The following CPM variants were observed in gnomAD, a reference collection of about 807,000 sequenced individuals.
CPM encodes the protein carboxypeptidase M, also known as renal carboxypeptidase.
In CPM, 35 loss-of-function variants were observed where a neutral mutation model predicts 46.4. The observed-to-expected ratio is 0.75, with a 90% CI of 0.58 to 1.00. The LOEUF (loss-of-function observed/expected upper bound fraction) is 1.00, where lower values mean the gene tolerates loss of function less well. Among genes scored for constraint, CPM ranks in the 50% least tolerant of loss-of-function variants. The pLI, the probability that CPM is intolerant of heterozygous loss-of-function variation, is 0.00. For synonymous variants in CPM, 195 were observed against 195.3 expected, an observed-to-expected ratio of 1.00 and a Z score of 0.01; for missense variants, 422 against 530.4, an observed-to-expected ratio of 0.80 and a Z score of 2.01.
At chr12:68,860,194 T>G (rs1245499690) in intron 7 of CPM, among the ~76,000 whole-genome samples, 1 of 152,242 alleles carries the variant, frequency 6.6e-6, no homozygotes, top group African/African-American at 2.4e-5. Context: ...AGTTCCTGAC[T>G]CTTCATTTTT....
intron 7 of CPM, among the ~76,000 whole-genome samples, chr12:68,860,438 C>T (rs1204209675): frequency 1.3e-5 from 2 of 151,932 alleles, no homozygotes; most frequent in African/African-American, 4.8e-5. Context: ...GTTTCAGTGG[C>T]ATTATTTTGT....
intron 7 of CPM, among the ~76,000 whole-genome samples, chr12:68,864,589 G>A (rs1294728259): frequency 1.3e-5 from 2 of 152,186 alleles, no homozygotes; most frequent in Non-Finnish European, 2.9e-5. Flanking sequence ...CCTTAATTCA[G>A]TGCTTGGTAA....
intron 1 of CPM, among the ~76,000 whole-genome samples, chr12:68,939,864 T>C (rs1888734224): frequency 6.6e-6 from 1 of 152,208 alleles, no homozygotes; most frequent in African/African-American, 2.4e-5. Context: ...AAAAATGAAA[T>C]CTCATAATTT....
At chr12:68,847,347 T>G (rs1884389663), downstream of CPM, 1 of 149,538 alleles carries the variant, frequency 6.7e-6, no homozygotes, top group African/African-American at 2.5e-5. Context: ...TCTGGTGAAT[T>G]AAGCCTTTTT....
At chr12:68,936,856 A>G (rs1888681958), upstream of CPM, among the ~76,000 whole-genome samples, 1 of 152,254 alleles carries the variant, frequency 6.6e-6, no homozygotes, top group Non-Finnish European at 1.5e-5. Flanking sequence ...AGAAGGAATT[A>G]ATGCTCTTAC....
chr12:68,867,766 T>C (rs1203743497), intron 6 of CPM, among the ~76,000 whole-genome samples: 1 of 152,214 alleles, frequency 6.6e-6, no homozygotes, highest in Non-Finnish European at 1.5e-5. Context: ...CCCGGCCCCC[T>C]GTGGAGCCCA....
intron 1 of CPM, among the ~76,000 whole-genome samples, chr12:68,943,507 A>G (rs1297073081): frequency 6.6e-6 from 1 of 152,216 alleles, no homozygotes; most frequent in African/African-American, 2.4e-5. Context: ...ACATATTTGC[A>G]ATAGTGGAAT....
intron 2 of CPM, among the ~76,000 whole-genome samples, chr12:68,927,029 T>C (rs1888295885): frequency 6.6e-6 from 1 of 152,232 alleles, no homozygotes; most frequent in Non-Finnish European, 1.5e-5. Context: ...AACATACATG[T>C]GCATGTGTCT....
rs527665061 is a variant in CPM at position 68,855,233 on chromosome 12, G to C, written c.*1204C>G. 6.6e-6 allele frequency: 1 copy of C among 152,532 alleles called. No homozygotes were observed. Among genetic ancestry groups the C allele is most frequent in the East Asian group, 1.9e-4 (1 of 5,186 alleles). 9.4% of individuals were successfully genotyped at this position (152,532 alleles called of 1,614,324 possible). ...AGAAAGTATCAAGGATGACTCCCAG[G>C]TTCCTAGCTTGGTGGTCCCAGTAAT... is the stretch of plus-strand genomic sequence containing the variant. On this transcript the variant is annotated 3_prime_UTR_variant, in exon 9 of 9. Transcript: ENST00000551568.
chr12:68,868,674 A>G (rs1238901325), intron 6 of CPM, among the ~76,000 whole-genome samples: 2 of 152,090 alleles, frequency 1.3e-5, no homozygotes, highest in East Asian at 1.9e-4. Flanking sequence ...TCTTATTCCA[A>G]GATTGGAGAA....
intron 7 of CPM, among the ~76,000 whole-genome samples, chr12:68,860,542 G>T (rs1183900467): frequency 6.6e-6 from 1 of 151,966 alleles, no homozygotes; most frequent in African/African-American, 2.4e-5. Context: ...CAATCCACCT[G>T]CCTAAGCTTC....
At chr12:68,924,305 G>A (rs940665192) in intron 2 of CPM, among the ~76,000 whole-genome samples, 1 of 152,018 alleles carries the variant, frequency 6.6e-6, no homozygotes. Context: ...GACCAGCCTG[G>A]CCAACATGGT....
At chr12:68,879,597 TCAAGCAATCTC>T (rs1239628435) in intron 3 of CPM, among the ~76,000 whole-genome samples, 1 of 152,128 alleles carries the variant, frequency 6.6e-6, no homozygotes, top group African/African-American at 2.4e-5. Flanking sequence ...ACTCCTGGCC[TCAAGCAATCTC>T]CCCAGCTTGA....
chr12:68,865,435 G>A (rs949614487), intron 7 of CPM, among the ~76,000 whole-genome samples: 2 of 152,162 alleles, frequency 1.3e-5, no homozygotes, highest in African/African-American at 4.8e-5. Flanking sequence ...AGGGATGTGT[G>A]CCGAGGAAGG....
intron 2 of CPM, among the ~76,000 whole-genome samples, chr12:68,905,446 A>T (rs1012351706): frequency 6.6e-6 from 1 of 151,274 alleles, no homozygotes; most frequent in African/African-American, 2.4e-5. Flanking sequence ...ATACCCAGCT[A>T]ATTTTTGTAC....
intron 1 of CPM, among the ~76,000 whole-genome samples, chr12:68,961,071 A>G (rs1370759327): frequency 6.6e-6 from 1 of 152,222 alleles, no homozygotes; most frequent in African/African-American, 2.4e-5. Context: ...ATAGACAGGG[A>G]CAGTGGTCTG....
intron 2 of CPM, among the ~76,000 whole-genome samples, chr12:68,890,942 T>C (rs1886630011): frequency 6.6e-6 from 1 of 152,230 alleles, no homozygotes; most frequent in Non-Finnish European, 1.5e-5. Context: ...GTCTGATACA[T>C]AAAGTTCTGG....
chr12:68,856,711 G>T, intron 8 of CPM, 32 bp from the exon 9 acceptor site: 2 of 1,604,010 alleles, frequency 1.2e-6, no homozygotes, highest in South Asian at 2.2e-5. Context: ...TTATATGAGT[G>T]ACTTAAGATG....
At chr12:68,962,430 T>C (rs1024578195) in intron 1 of CPM, among the ~76,000 whole-genome samples, 1 of 152,050 alleles carries the variant, frequency 6.6e-6, no homozygotes, top group African/African-American at 2.4e-5. Flanking sequence ...GTCCCACTCT[T>C]CCCCGAGGGC....
Sources: gnomAD v4.1 joint callset for allele counts (sites outside exome capture counted in the v4.1 genomes callset) on GRCh38, gnomAD v4.1.1 for gene constraint, MANE v1.5 for transcripts, NCBI Gene and HGNC (gene_info 2026-07-23, HGNC 2026-07-21) for gene names.